TRIM13: variants seen among roughly 807,000 people sequenced by gnomAD.
TRIM13 encodes tripartite motif containing 13, also known as E3 ubiquitin-protein ligase TRIM13.
TRIM13 carries 15 observed loss-of-function variants against 27.1 expected under a neutral mutation model. The ratio of observed to expected loss-of-function variants is 0.55; its 90% confidence interval spans 0.37 to 0.85. TRIM13 has a LOEUF of 0.85. TRIM13 is among the 40% of genes least tolerant of loss of function. TRIM13 has a pLI of 0.00. For synonymous variants in TRIM13, 193 were observed against 171.5 expected (o/e 1.13, Z -0.98); for missense variants, 402 against 472.2 (o/e 0.85, Z 1.38).
chr13:50,001,290 C>G (rs1320208470), intron 1 of TRIM13, among the ~76,000 whole-genome samples: 290 of 63,404 alleles, frequency 4.6e-3, no homozygotes, highest in Non-Finnish European at 9.8e-3. Context: ...AAACTCTGTC[C>G]CAAAAAAAAA....
rs1876217026 is a variant in TRIM13 at position 50,015,082 on chromosome 13, AAAAAAAAAAAAAAT to A, written c.*1920_*1933del. The A allele has an allele frequency of 7.3e-5, 3 of 40,886 alleles. No individual in the cohort carries two copies. The highest frequency in any genetic ancestry group is 3.9e-4 in the African/African-American group (3 of 7,696). The allele number at this position is 40,886 out of a possible 1,614,324, so 2.5% of individuals were successfully genotyped here. A position where few individuals can be genotyped will look rare whatever the true frequency, so the allele number is the denominator to read the frequency against. The stretch of plus-strand genomic sequence containing the variant: ...CTTTTCCCCTCCCAGTAATAAAAAA[AAAAAAAAAAAAAAT>A]ATATATATATATATATATATATATA... On this transcript the variant is annotated 3_prime_UTR_variant, in exon 2 of 2. Coordinates refer to ENST00000378182, the MANE Select transcript of TRIM13 (RefSeq NM_213590.3).
At position 50,012,544 on chromosome 13, in the gene TRIM13, T is replaced by C; in HGVS notation, c.604T>C (p.Ser202Pro). The change falls in exon 2 of 2, where the codon TCT (serine) becomes CCT (proline). Residue 202 changes from serine to proline, a missense_variant. Coordinates refer to ENST00000378182, the MANE Select transcript of TRIM13 (RefSeq NM_213590.3). ...GGATCAAAAGAAGAATGAAATTCTG[T>C]CTGACTTTGAGACCATGAAACTTGC... ...TLDQKKNEIL[S>P]DFETMKLAVM... 1.2e-6 allele frequency: 2 copies of C among 1,614,104 alleles called. No homozygotes were observed. Among genetic ancestry groups the C allele is most frequent in the South Asian group, 1.1e-5 (1 of 91,080 alleles).
At position 50,012,738 on chromosome 13, in the gene TRIM13, T is replaced by G. The variant is rs776525959; in HGVS notation, c.798T>G (p.Pro266=). The part of the protein sequence containing the change: ...REKIKVIKET[P]LPPSNLPASP... The stretch of plus-strand genomic sequence containing the variant: ...AAATCAAAGTAATCAAGGAAACTCC[T>G]TTACCTCCCTCTAATTTGCCTGCAA... The change falls in exon 2 of 2, where the codon CCT becomes CCG. Residue 266 remains proline (P), a synonymous_variant. Coordinates refer to ENST00000378182, the MANE Select transcript of TRIM13 (RefSeq NM_213590.3). 6.2e-7 allele frequency: 1 copy of G among 1,614,080 alleles called. No homozygotes were observed. Among genetic ancestry groups the G allele is most frequent in the South Asian group, 1.1e-5 (1 of 91,086 alleles).
chr13:50,006,006 C>T (rs1039957120), intron 1 of TRIM13, among the ~76,000 whole-genome samples: 1 of 151,842 alleles, frequency 6.6e-6, no homozygotes, highest in African/African-American at 2.4e-5. Flanking sequence ...TAAACCACCG[C>T]GCTTGGCCAG....
chr13:50,007,473 A>G (rs1874900930), intron 1 of TRIM13, among the ~76,000 whole-genome samples: 1 of 140,526 alleles, frequency 7.1e-6, no homozygotes, highest in Non-Finnish European at 1.5e-5. Flanking sequence ...CCTGGGCAAC[A>G]GTGAGACTCT....
In TRIM13 at chr13:50,012,000, A is replaced by G. The variant is rs1252544087; in HGVS notation, c.60A>G (p.Pro20=). Residue 20 remains proline, a synonymous_variant, in exon 2 of 2, where the codon CCA becomes CCG. Coordinates refer to ENST00000378182, the MANE Select transcript of TRIM13 (RefSeq NM_213590.3). ...TTTGTTGTAGTCTGTTTGATGATCCACGGGTTTTGCCTTGCTCCCACAACT... is the reference window on the plus strand; with the variant it reads ...TTTGTTGTAGTCTGTTTGATGATCCGCGGGTTTTGCCTTGCTCCCACAACT... The part of the protein sequence containing the change: ...CPICCSLFDD[P]RVLPCSHNFC... 1 of 1,613,748 alleles carries G rather than the reference A, an allele frequency of 6.2e-7. No homozygotes were observed. Among genetic ancestry groups the G allele is most frequent in the Non-Finnish European group, 8.5e-7 (1 of 1,179,948 alleles).
At chr13:49,998,501 C>T (rs2138326528) in intron 1 of TRIM13, among the ~76,000 whole-genome samples, 1 of 152,314 alleles carries the variant, frequency 6.6e-6, no homozygotes, top group African/African-American at 2.4e-5. Flanking sequence ...TCCAAAATAA[C>T]ACCTTAAATG....
At position 50,015,588 on chromosome 13, in the gene TRIM13, C is replaced by G; in HGVS notation, c.*2424C>G. 2 of 1,614,090 alleles carry G rather than the reference C, an allele frequency of 1.2e-6. No homozygotes were observed. The highest frequency in any genetic ancestry group is 1.7e-6 in the Non-Finnish European group (2 of 1,179,960). On this transcript the variant is annotated 3_prime_UTR_variant, in exon 2 of 2. Transcript: ENST00000378182. ...AAGCAGTTTCCTGCTTCTCGTTTGG[C>G]ACGCATGTTAGATGGCAGAGACCAA...
chr13:50,007,483 T>C (rs1426283494), intron 1 of TRIM13, among the ~76,000 whole-genome samples: 54 of 130,060 alleles, frequency 4.2e-4, no homozygotes, highest in African/African-American at 1.5e-3. Context: ...AGTGAGACTC[T>C]GTCTCAAAAA....
Position 50,015,843 on chromosome 13 carries a change from G to A in TRIM13, c.*2679G>A, listed in dbSNP as rs746993779. 7.4e-6 allele frequency: 12 copies of A among 1,613,690 alleles called. 1 individual carries two copies. The African/African-American group carries it at 9.3e-5, about 13-fold the overall frequency. ...CTTGTGGAGGTACATTTCCTAAGCC[G>A]GAACACTCAAGCTTTTTTCAGGGTG... On this transcript the variant is annotated 3_prime_UTR_variant, in exon 2 of 2. Transcript: ENST00000378182.
At chr13:50,009,676 G>T (rs905397542) in intron 1 of TRIM13, among the ~76,000 whole-genome samples, 24 of 145,664 alleles carry the variant, frequency 1.6e-4, no homozygotes, top group Non-Finnish European at 2.8e-4. Flanking sequence ...GGTGGAGGTT[G>T]CAGTGAGCCA....
rs1876245296 is a variant in TRIM13 at position 50,015,087 on chromosome 13, AAAAAAAAAT to A, written c.*1925_*1933del. 3.1e-4 allele frequency: 17 copies of A among 54,800 alleles called. No homozygotes were observed. Among genetic ancestry groups the A allele is most frequent in the East Asian group, 4.1e-4 (1 of 2,432 alleles). 3.4% of individuals were successfully genotyped at this position (54,800 alleles called of 1,614,324 possible). The stretch of plus-strand genomic sequence containing the variant: ...CCCCTCCCAGTAATAAAAAAAAAAA[AAAAAAAAAT>A]ATATATATATATATATATATATATA... On this transcript the variant is annotated 3_prime_UTR_variant, in exon 2 of 2. Transcript: ENST00000378182.
intron 1 of TRIM13, among the ~76,000 whole-genome samples, chr13:50,005,698 AAAACT>A (rs1874604530): frequency 6.6e-6 from 1 of 151,780 alleles, no homozygotes; most frequent in Admixed American, 6.6e-5. Flanking sequence ...GAGAAGGCAT[AAAACT>A]AAAGGAAGAA....
At chr13:50,000,199 C>A (rs1226091684) in intron 1 of TRIM13, among the ~76,000 whole-genome samples, 1 of 152,030 alleles carries the variant, frequency 6.6e-6, no homozygotes, top group Admixed American at 6.6e-5. Context: ...TTTACTAAGT[C>A]CTATAAAACT....
In TRIM13 at chr13:50,015,542, A is replaced by G; in HGVS notation, c.*2378A>G. 1 of 1,613,954 alleles carries G rather than the reference A, an allele frequency of 6.2e-7. No individual in the cohort carries two copies. The highest frequency in any genetic ancestry group is 8.5e-7 in the Non-Finnish European group (1 of 1,179,922). On this transcript the variant is annotated 3_prime_UTR_variant, in exon 2 of 2. Transcript: ENST00000378182. ...TTTGAATGTGGGAGGGAAGATATTC[A>G]CGACAAGGTTTTCTACGATAAAGCA...
chr13:50,006,216 G>A (rs1383855175), intron 1 of TRIM13, among the ~76,000 whole-genome samples: 1 of 151,962 alleles, frequency 6.6e-6, no homozygotes, highest in African/African-American at 2.4e-5. Context: ...TGGGATGACT[G>A]TTTATTATTT....
intron 1 of TRIM13, among the ~76,000 whole-genome samples, chr13:49,999,121 C>T (rs1375961038): frequency 3.8e-5 from 2 of 52,562 alleles, no homozygotes; most frequent in Non-Finnish European, 1.6e-4. Flanking sequence ...CTGGGCCGCT[C>T]CCTTTTCCTT....
chr13:50,013,315 T>C lies in TRIM13; in HGVS notation c.*151T>C. The C allele has an allele frequency of 1.2e-6, 1 of 843,614 alleles. No homozygotes were observed. The highest frequency in any genetic ancestry group is 1.7e-6 in the Non-Finnish European group (1 of 578,462). The allele number at this position is 843,614 out of a possible 1,614,324, so 52.3% of individuals were successfully genotyped here. The stretch of plus-strand genomic sequence containing the variant: ...CTATACATGTTCAAATTAGGTAGCA[T>C]AAAGATAAAAGTGAAATTTAGTAGT... On this transcript the variant is annotated 3_prime_UTR_variant, in exon 2 of 2. Coordinates refer to ENST00000378182, the MANE Select transcript of TRIM13 (RefSeq NM_213590.3).
chr13:50,012,558 C>T lies in TRIM13; in HGVS notation c.618C>T (p.Thr206=), dbSNP rs142675192. ...KKNEILSDFE[T]MKLAVMQAYD... is the part of the protein sequence containing the mutation. ...ATGAAATTCTGTCTGACTTTGAGAC[C>T]ATGAAACTTGCTGTTATGCAAGCAT... Residue 206 remains threonine (T), a synonymous_variant, in exon 2 of 2, where the codon ACC becomes ACT. Transcript: ENST00000378182. 27 of 1,614,042 alleles carry T rather than the reference C, an allele frequency of 1.7e-5. No homozygotes were observed. The highest frequency in any genetic ancestry group is 2.1e-5 in the Non-Finnish European group (25 of 1,180,004).
Sources: allele counts gnomAD v4.1 joint callset (sites outside exome capture counted in the v4.1 genomes callset), GRCh38; gene constraint gnomAD v4.1.1; transcripts MANE v1.5; gene names NCBI Gene and HGNC (gene_info 2026-07-23, HGNC 2026-07-21).